The following AFAP1L1 variants were observed in gnomAD, a reference collection of about 807,000 sequenced individuals.
The protein encoded by AFAP1L1 is actin filament associated protein 1 like 1.
In AFAP1L1, 77 loss-of-function variants were observed where a neutral mutation model predicts 99.8. The observed-to-expected ratio is 0.77, with a 90% CI of 0.64 to 0.93. AFAP1L1 has a LOEUF of 0.93. Ranked by LOEUF, AFAP1L1 falls within the 40% of genes least tolerant of loss-of-function variation. AFAP1L1 has a pLI of 0.00. For missense variants in AFAP1L1, 893 were observed against 996.8 expected, an observed-to-expected ratio of 0.90 and a Z score of 1.40; for synonymous variants, 373 against 395.3, an observed-to-expected ratio of 0.94 and a Z score of 0.67.
chr5:149,305,774 T>G (rs1756385981), intron 5 of AFAP1L1, among the ~76,000 whole-genome samples: 2 of 152,192 alleles, frequency 1.3e-5, no homozygotes, highest in South Asian at 4.2e-4. Flanking sequence ...GAGGAAGGGC[T>G]GAGGTGGAAA....
At chr5:149,300,094 T>C (rs1756148047) in intron 2 of AFAP1L1, among the ~76,000 whole-genome samples, 177 bp from the exon 3 acceptor site, 1 of 152,190 alleles carries the variant, frequency 6.6e-6, no homozygotes, top group East Asian at 1.9e-4. Context: ...GAGAAAGAGA[T>C]CCTCAATAAC....
Position 149,317,941 on chromosome 5 carries a change from G to A in AFAP1L1, c.1479+1G>A. The A allele has an allele frequency of 1.3e-6, 2 of 1,565,552 alleles. No individual in the cohort carries two copies. Among genetic ancestry groups the A allele is most frequent in the Non-Finnish European group, 1.7e-6 (2 of 1,154,812 alleles). On this transcript the variant is annotated splice_donor_variant, in intron 12 of 18. Transcript: ENST00000296721. LOFTEE classifies it high-confidence loss of function. Reference sequence around the variant, plus strand: ...CCGGCAGGAGGTGGCCATCTTGGAGGTGAGAGGAGAGGGTGGGACGTGGGT... The same window carrying A: ...CCGGCAGGAGGTGGCCATCTTGGAGATGAGAGGAGAGGGTGGGACGTGGGT...
At chr5:149,287,929 C>T (rs920345514) in intron 1 of AFAP1L1, among the ~76,000 whole-genome samples, 1 of 152,040 alleles carries the variant, frequency 6.6e-6, no homozygotes, top group Admixed American at 6.5e-5. Flanking sequence ...GCACAGTACC[C>T]ATCATATAGG....
intron 8 of AFAP1L1, 90 bp from the exon 9 acceptor site, chr5:149,312,022 T>C: frequency 1.6e-6 from 2 of 1,236,730 alleles, no homozygotes; most frequent in Non-Finnish European, 2.3e-6. Context: ...TGACCCTCTG[T>C]TCTACAGCAT....
rs1024346654 is a variant in AFAP1L1, at chr5:149,289,384, G to A, written c.17-10125G>A. On this transcript the variant is annotated intron_variant, in intron 1 of 18. Transcript: ENST00000296721. ...CCAAGGTGACCTCACTGCCTCTGCC[G>A]TCCCTCACACAGGGGCTATATTTAA... Among the ~76,000 whole-genome samples the A allele has an allele frequency of 2.4e-4, 37 of 151,352 alleles. 1 individual carries two copies. Among genetic ancestry groups the A allele is most frequent in the South Asian group, 6.3e-4 (3 of 4,776 alleles).
At chr5:149,338,130 A>G (rs1288161455) in intron 18 of AFAP1L1, among the ~76,000 whole-genome samples, 1 of 152,258 alleles carries the variant, frequency 6.6e-6, no homozygotes, top group Non-Finnish European at 1.5e-5. Context: ...GGAATCGGCA[A>G]CATTTTGTCT....
intron 11 of AFAP1L1, among the ~76,000 whole-genome samples, chr5:149,317,478 C>T (rs1756828002): frequency 6.6e-6 from 1 of 152,168 alleles, no homozygotes. Context: ...GCAGTAGTTC[C>T]TGCCCTTTTC....
chr5:149,322,608 C>A lies in AFAP1L1; in HGVS notation c.1701C>A (p.Asp567Glu). The A allele has an allele frequency of 6.4e-7, 1 of 1,567,808 alleles. No homozygotes were observed. The highest frequency in any genetic ancestry group is 8.7e-7 in the Non-Finnish European group (1 of 1,154,856). The change falls in exon 15 of 19, where the codon GAC (aspartate) becomes GAA (glutamate). Residue 567 changes from aspartate to glutamate, a missense_variant and splice_region_variant. Physicochemically the swap from Asp to Glu is conservative, Grantham distance 45 (BLOSUM62 2). Transcript: ENST00000296721. ...YDDVPYEKMQ[D>E]EEPERPTGAQ... Reference sequence around the variant, plus strand: ...TGTCTTCCTCCATCTCCCACCAGGACGAGGAGCCCGAGCGCCCCACAGGGG... The same window carrying A: ...TGTCTTCCTCCATCTCCCACCAGGAAGAGGAGCCCGAGCGCCCCACAGGGG...
intron 9 of AFAP1L1, among the ~76,000 whole-genome samples, chr5:149,313,335 G>A (rs969457776): frequency 6.6e-6 from 1 of 151,858 alleles, no homozygotes; most frequent in Non-Finnish European, 1.5e-5. Flanking sequence ...GGCCTTGCAC[G>A]ATGTAATCGA....
chr5:149,339,819 G>T (rs2127607021), intron 18 of AFAP1L1, among the ~76,000 whole-genome samples, 188 bp from the exon 19 acceptor site: 1 of 152,348 alleles, frequency 6.6e-6, no homozygotes, highest in Non-Finnish European at 1.5e-5. Flanking sequence ...GAGAATGGAT[G>T]AAGGGACAAG....
chr5:149,311,738 C>T (rs138101699), intron 8 of AFAP1L1, among the ~76,000 whole-genome samples: 4 of 152,188 alleles, frequency 2.6e-5, no homozygotes, highest in Non-Finnish European at 4.4e-5. Context: ...TGGTTCCCAT[C>T]ACTCTTCGCA....
At chr5:149,322,475 T>C in intron 14 of AFAP1L1, 131 bp from the exon 15 acceptor site, 2 of 599,870 alleles carry the variant, frequency 3.3e-6, no homozygotes, top group Non-Finnish European at 5.8e-6. Flanking sequence ...TTGAGTGCTA[T>C]GCAAGTCTAA....
Position 149,317,907 on chromosome 5 carries a change from C to A in AFAP1L1, c.1446C>A (p.Ile482=). The A allele has an allele frequency of 6.9e-6, 11 of 1,586,372 alleles. No individual in the cohort carries two copies. Among genetic ancestry groups the A allele is most frequent in the Non-Finnish European group, 7.7e-6 (9 of 1,166,066 alleles). ...CCCGACACCCATTTGCCTTCAGGAT[C>A]CTGCGCAACCGGCAGGAGGTGGCCA... ...FGPRHPFAFR[I]LRNRQEVAIL... Residue 482 remains isoleucine, a synonymous_variant, in exon 12 of 19, where the codon ATC becomes ATA. Transcript: ENST00000296721.
intron 15 of AFAP1L1, among the ~76,000 whole-genome samples, chr5:149,326,138 T>A (rs1439443388): frequency 6.6e-6 from 1 of 152,094 alleles, no homozygotes; most frequent in Non-Finnish European, 1.5e-5. Flanking sequence ...TGTGGGAAAG[T>A]GTAAACCAAA....
chr5:149,340,970 GA>G lies in AFAP1L1; in HGVS notation c.*941del. The stretch of plus-strand genomic sequence containing the variant: ...AAGTAAAACCAAGAGAAATTAAGAG[GA>G]TGATGGCTTCTTTCTGTCACATGGG... On this transcript the variant is annotated 3_prime_UTR_variant, in exon 19 of 19. Coordinates refer to ENST00000296721, the MANE Select transcript of AFAP1L1 (RefSeq NM_152406.4). 6.6e-6 allele frequency: 1 copy of G among 152,278 alleles called. No individual in the cohort carries two copies. The highest frequency in any genetic ancestry group is 1.9e-4 in the East Asian group (1 of 5,186). 9.4% of individuals were successfully genotyped at this position (152,278 alleles called of 1,614,324 possible).
rs968491148 is a variant in AFAP1L1 at position 149,293,116 on chromosome 5, C to T, written c.17-6393C>T. 3.3e-5 allele frequency among the ~76,000 whole-genome samples: 5 copies of T among 152,196 alleles called. No homozygotes were observed. The South Asian group carries it at 6.2e-4, about 19-fold the overall frequency. Reference sequence around the variant, plus strand: ...CCTGTACCATCCTCCTTTGTGCCTACCACTTCCCCTGAAACTCCATGGGGC... The same window carrying T: ...CCTGTACCATCCTCCTTTGTGCCTATCACTTCCCCTGAAACTCCATGGGGC... On this transcript the variant is annotated intron_variant, in intron 1 of 18. Transcript: ENST00000296721.
chr5:149,323,675 C>A (rs1158838300), intron 15 of AFAP1L1, among the ~76,000 whole-genome samples: 1 of 152,168 alleles, frequency 6.6e-6, no homozygotes, highest in African/African-American at 2.4e-5. Flanking sequence ...AATCTGTATT[C>A]CATTCCTCAT....
At position 149,335,739 on chromosome 5, in the gene AFAP1L1, G is replaced by C. The variant is rs1028997902; in HGVS notation, c.2283+17G>C. ...AAAGCCAAGGTAGAGCCATAGTTCT[G>C]CTCCTCAAAAATCAGAGATCTGGTA... is the stretch of plus-strand genomic sequence containing the variant. On this transcript the variant is annotated intron_variant, in intron 18 of 18. Transcript: ENST00000296721. 6.2e-7 allele frequency: 1 copy of C among 1,605,690 alleles called. No homozygotes were observed. Among genetic ancestry groups the C allele is most frequent in the Admixed American group, 1.7e-5 (1 of 57,638 alleles).
intron 2 of AFAP1L1, 46 bp from the exon 3 acceptor site, chr5:149,300,224 TG>T: frequency 6.9e-7 from 1 of 1,454,560 alleles, no homozygotes; most frequent in Non-Finnish European, 9.5e-7. Flanking sequence ...GGGGGAGACC[TG>T]GTCCCTCCTC....
Sources: allele counts gnomAD v4.1 joint callset (sites outside exome capture counted in the v4.1 genomes callset), GRCh38; gene constraint gnomAD v4.1.1; transcripts MANE v1.5; gene names NCBI Gene and HGNC (gene_info 2026-07-23, HGNC 2026-07-21).